ALPL: variants seen among roughly 807,000 people sequenced by gnomAD.
ALPL encodes alkaline phosphatase, biomineralization associated.
In ALPL, 42 loss-of-function variants were observed where a neutral mutation model predicts 51.3. The ratio of observed to expected loss-of-function variants is 0.82; its 90% CI spans 0.64 to 1.06. ALPL has a LOEUF of 1.06. Among genes scored for constraint, ALPL ranks in the 50% least tolerant of loss-of-function variants. ALPL has a pLI of 0.00. For synonymous variants in ALPL, 279 were observed against 296.4 expected (o/e 0.94, Z 0.60); for missense variants, 589 against 709.4 (o/e 0.83, Z 1.93).
At chr1:21,553,866 A>G in intron 1 of ALPL, 112 bp from the exon 2 acceptor site, 1 of 597,568 alleles carries the variant, frequency 1.7e-6, no homozygotes. Flanking sequence ...CTGGTCTGTA[A>G]TAGGTGCTCA....
intron 1 of ALPL, among the ~76,000 whole-genome samples, chr1:21,512,039 G>C (rs188046447): frequency 1.7e-3 from 256 of 152,278 alleles, no homozygotes; most frequent in African/African-American, 6.0e-3. Context: ...AGTCTGACTT[G>C]GCTTTTTAAT....
intron 11 of ALPL, among the ~76,000 whole-genome samples, chr1:21,577,134 T>C (rs1644748348): frequency 2.0e-5 from 3 of 152,332 alleles, no homozygotes; most frequent in South Asian, 2.1e-4. Flanking sequence ...CAACTCTCCC[T>C]GCTAATCCAA....
chr1:21,539,381 A>G (rs765337554), intron 1 of ALPL, among the ~76,000 whole-genome samples: 12 of 152,254 alleles, frequency 7.9e-5, no homozygotes, highest in Non-Finnish European at 1.6e-4. Context: ...AAGGTTTGTT[A>G]TTATTAATCT....
intron 1 of ALPL, among the ~76,000 whole-genome samples, chr1:21,544,806 G>C (rs60992762): frequency 0.058 from 8,892 of 152,232 alleles, 291 homozygotes; most frequent in African/African-American, 0.071. Flanking sequence ...TAGGCCCCAA[G>C]AGACCAGACG....
intron 1 of ALPL, among the ~76,000 whole-genome samples, chr1:21,516,034 A>G (rs755645782): frequency 6.6e-6 from 1 of 152,060 alleles, no homozygotes; most frequent in South Asian, 2.1e-4. Context: ...ATTCGCCACC[A>G]CGCCCCGCTA....
At chr1:21,550,242 T>C (rs1644303768) in intron 1 of ALPL, among the ~76,000 whole-genome samples, 1 of 152,152 alleles carries the variant, frequency 6.6e-6, no homozygotes, top group African/African-American at 2.4e-5. Context: ...ATTTTACACT[T>C]GGGGGCAACA....
chr1:21,544,342 G>A (rs1644226818), intron 1 of ALPL, among the ~76,000 whole-genome samples: 3 of 152,212 alleles, frequency 2.0e-5, no homozygotes, highest in Admixed American at 6.5e-5. Flanking sequence ...TGACTTCATT[G>A]CTAGGCCTTG....
chr1:21,527,429 A>G (rs1170484689), intron 1 of ALPL, among the ~76,000 whole-genome samples: 1 of 152,044 alleles, frequency 6.6e-6, no homozygotes, highest in Non-Finnish European at 1.5e-5. Context: ...CAATCTGTGG[A>G]ATTTGCTCCT....
upstream of ALPL, chr1:21,509,297 G>A (rs1444976911): frequency 4.1e-5 from 6 of 147,632 alleles, no homozygotes; most frequent in Non-Finnish European, 1.5e-5. This position sits in a 1 kb window ranked among gnomAD's most constrained non-coding sequence, Gnocchi z 6.0. Context: ...CGGGGCTCGG[G>A]CCGGGGGCGG....
chr1:21,547,996 C>A (rs1244917969), intron 1 of ALPL, among the ~76,000 whole-genome samples: 3 of 152,218 alleles, frequency 2.0e-5, no homozygotes, highest in Admixed American at 2.0e-4. Flanking sequence ...CCTCAGCCCC[C>A]TGCACTGAAC....
chr1:21,525,524 G>A (rs555390895), intron 1 of ALPL, among the ~76,000 whole-genome samples: 7 of 152,222 alleles, frequency 4.6e-5, no homozygotes, highest in African/African-American at 9.6e-5. Flanking sequence ...GGGTGCTGGC[G>A]TCTTGGCACT....
At chr1:21,518,143 C>A (rs771625944) in intron 1 of ALPL, among the ~76,000 whole-genome samples, 1 of 151,996 alleles carries the variant, frequency 6.6e-6, no homozygotes, top group Non-Finnish European at 1.5e-5. Flanking sequence ...AGAGCTGTGC[C>A]CGTGTTCAGT....
intron 1 of ALPL, among the ~76,000 whole-genome samples, chr1:21,541,739 T>G (rs955319580): frequency 1.3e-5 from 2 of 152,088 alleles, no homozygotes; most frequent in African/African-American, 2.4e-5. Context: ...GGGGAGGGAT[T>G]CATTGGTTGG....
At chr1:21,555,170 G>A (rs1038266206) in intron 2 of ALPL, among the ~76,000 whole-genome samples, 1 of 151,298 alleles carries the variant, frequency 6.6e-6, no homozygotes, top group Admixed American at 6.6e-5. Flanking sequence ...GGGTCACAAG[G>A]TGCTCAGTGG....
At position 21,564,357 on chromosome 1, in the gene ALPL, G is replaced by T. The variant is rs185891899; in HGVS notation, c.648+141G>T. ...CTGGGAGGCTCCCAGCCCATTAGGG[G>T]ATTTGCGGTTGGGCAGGCAGGCACT... is the stretch of plus-strand genomic sequence containing the variant. On this transcript the variant is annotated intron_variant, in intron 6 of 11. Transcript: ENST00000374840. This position sits in a 1 kb window ranked among gnomAD's most constrained non-coding sequence, Gnocchi z 5.8. 1,561 of 1,132,142 alleles carry T rather than the reference G, an allele frequency of 1.4e-3. 26 individuals carry two copies. The highest frequency in any genetic ancestry group is 3.0e-4 in the Non-Finnish European group (244 of 805,468). The allele number at this position is 1,132,142 out of a possible 1,614,324, so 70.1% of individuals were successfully genotyped here.
rs1185905228 is a variant in ALPL at position 21,543,208 on chromosome 1, T to A, written c.-104-10770T>A. Reference sequence around the variant, plus strand: ...AGATTCTGACCGAGTAGGTCTGGAATAGGAGAAGTAGGAATTTATTTAGGG... The same window carrying A: ...AGATTCTGACCGAGTAGGTCTGGAAAAGGAGAAGTAGGAATTTATTTAGGG... On this transcript the variant is annotated intron_variant, in intron 1 of 11. Transcript: ENST00000374840. Among the ~76,000 whole-genome samples, 4 of 152,162 alleles carry A rather than the reference T, an allele frequency of 2.6e-5. No individual in the cohort carries two copies. In the East Asian group the frequency reaches 7.7e-4, roughly 29 times the overall value.
At chr1:21,538,453 GCGTCCTTCCTC>G (rs1644139124) in intron 1 of ALPL, among the ~76,000 whole-genome samples, 1 of 152,186 alleles carries the variant, frequency 6.6e-6, no homozygotes, top group South Asian at 2.1e-4. Flanking sequence ...GGGAACACCC[GCGTCCTTCCTC>G]CTCTGATCTG....
At chr1:21,514,154 T>C (rs1259279353) in intron 1 of ALPL, among the ~76,000 whole-genome samples, 4 of 152,182 alleles carry the variant, frequency 2.6e-5, no homozygotes, top group African/African-American at 4.8e-5. Context: ...TTTTTCCTGC[T>C]TCGGTGGTCC....
chr1:21,576,783 GGTT>G, intron 11 of ALPL, 142 bp downstream of exon 11: 1 of 1,183,580 alleles, frequency 8.4e-7, no homozygotes, highest in Non-Finnish European at 1.2e-6. Flanking sequence ...TTGAGTCCCA[GGTT>G]GTTTGATTCA....
Sources: allele counts gnomAD v4.1 joint callset (sites outside exome capture counted in the v4.1 genomes callset), GRCh38; gene constraint gnomAD v4.1.1; non-coding constraint Gnocchi (gnomAD v3.1); transcripts MANE v1.5; gene names NCBI Gene and HGNC (gene_info 2026-07-23, HGNC 2026-07-21).